Variants in IKBIP observed in about 807,000 individuals in gnomAD.
IKBIP encodes the protein IKBKB interacting protein.
Under a neutral mutation model 31.0 loss-of-function variants are expected in IKBIP, and 28 were observed. That is an observed-to-expected ratio of 0.90 (90% CI 0.67 to 1.24). The LOEUF is 1.24. IKBIP is among the 50% of genes most tolerant of loss of function. The pLI is 0.00. For synonymous variants in IKBIP, 164 were observed against 160.3 expected (o/e 1.02, Z -0.17); for missense variants, 453 against 441.9 (o/e 1.03, Z -0.23).
downstream of IKBIP, among the ~76,000 whole-genome samples, chr12:98,623,774 G>T (rs2097611901): frequency 6.6e-6 from 1 of 150,644 alleles, no homozygotes; most frequent in African/African-American, 2.5e-5. Context: ...TAGGATATTG[G>T]TAATTTTCCC....
chr12:98,627,022 G>T (rs572026563), intron 2 of IKBIP, among the ~76,000 whole-genome samples: 2 of 152,112 alleles, frequency 1.3e-5, no homozygotes, highest in East Asian at 3.8e-4. Context: ...AGGATGGAGT[G>T]CAGTGGAGCA....
intron 1 of IKBIP, among the ~76,000 whole-genome samples, chr12:98,641,953 C>T (rs1489379038): frequency 1.3e-5 from 2 of 152,134 alleles, no homozygotes; most frequent in Non-Finnish European, 2.9e-5. Context: ...CTGGGTCTGG[C>T]CCCCAAAATT....
intron 1 of IKBIP, among the ~76,000 whole-genome samples, chr12:98,642,916 T>C (rs2097631912): frequency 6.6e-6 from 1 of 151,868 alleles, no homozygotes; most frequent in South Asian, 2.1e-4. Flanking sequence ...TCTATTGTTT[T>C]TGAAGAGGGC....
rs1004542163 is a variant in IKBIP at position 98,640,772 on chromosome 12, C to CTT, written c.179+3749_179+3750dup. Among the ~76,000 whole-genome samples, 277 of 144,818 alleles carry CTT rather than the reference C, an allele frequency of 1.9e-3. 1 individual carries two copies. Among genetic ancestry groups the CTT allele is most frequent in the African/African-American group, 6.7e-3 (265 of 39,736 alleles). ...CAAGATGACATAGGATATATCAGGC[C>CTT]TTTTTTTTTTTGCAGGGTCTCACTT... On this transcript the variant is annotated intron_variant, in intron 1 of 2. Coordinates refer to ENST00000299157, the MANE Select transcript of IKBIP (RefSeq NM_153687.4).
At chr12:98,632,871 G>A (rs2097622295) in intron 2 of IKBIP, among the ~76,000 whole-genome samples, 2 of 151,858 alleles carry the variant, frequency 1.3e-5, no homozygotes, top group East Asian at 1.9e-4. Flanking sequence ...AAGGTGATCC[G>A]CCTGCCTTGG....
intron 1 of IKBIP, among the ~76,000 whole-genome samples, 174 bp downstream of exon 1, chr12:98,644,349 C>T (rs1279310979): frequency 3.3e-5 from 5 of 152,184 alleles, no homozygotes; most frequent in Admixed American, 6.5e-5. Context: ...ACAAGAAACG[C>T]CCGAAAGGGA....
In IKBIP at chr12:98,641,481, C is replaced by G. The variant is rs531776427; in HGVS notation, c.179+3042G>C. ...TTGCTTTTTATCTGGAAAATGTTTA[C>G]AAATGTCTTATGGGGATATATTTTT... On this transcript the variant is annotated intron_variant, in intron 1 of 2. Coordinates refer to ENST00000299157, the MANE Select transcript of IKBIP (RefSeq NM_153687.4). Among the ~76,000 whole-genome samples, 3 of 152,190 alleles carry G rather than the reference C, an allele frequency of 2.0e-5. No homozygotes were observed. The South Asian group carries it at 6.2e-4, about 32-fold the overall frequency.
rs201625604 is a variant in IKBIP at position 98,644,576 on chromosome 12, G to A, written c.126C>T (p.Asp42=). The change falls in exon 1 of 3, where the codon GAC becomes GAT. Residue 42 remains aspartate (D), a synonymous_variant. Transcript: ENST00000299157. The stretch of plus-strand genomic sequence containing the variant: ...ACAGCAGGCTCAGGCACGTTCGGGG[G>A]TCTGCCCAGCCCCCGCCTCCGCTGC... The part of the protein sequence containing the change: ...ARSSGGGGWA[D]PRTCLSLLSL... 59 of 1,609,284 alleles carry A rather than the reference G, an allele frequency of 3.7e-5. No individual in the cohort carries two copies. In the Admixed American group the frequency reaches 6.2e-4, roughly 17 times the overall value.
At chr12:98,642,457 G>GTT (rs1222812498) in intron 1 of IKBIP, among the ~76,000 whole-genome samples, 2 of 150,292 alleles carry the variant, frequency 1.3e-5, no homozygotes, top group Non-Finnish European at 3.0e-5. Context: ...GCCCAAAAAG[G>GTT]TTTTTTTTTC....
intron 2 of IKBIP, among the ~76,000 whole-genome samples, chr12:98,616,448 C>G (rs1478056306): frequency 6.6e-6 from 1 of 152,110 alleles, no homozygotes; most frequent in Admixed American, 6.6e-5. Flanking sequence ...TCTCTTCACT[C>G]TGTTGACTGT....
intron 1 of IKBIP, among the ~76,000 whole-genome samples, chr12:98,644,081 T>C (rs1217925774): frequency 6.6e-6 from 1 of 152,206 alleles, no homozygotes; most frequent in Non-Finnish European, 1.5e-5. Context: ...TCTCCAAACA[T>C]AATGATCTGT....
chr12:98,639,918 C>T (rs567015304), intron 1 of IKBIP, among the ~76,000 whole-genome samples: 1 of 152,230 alleles, frequency 6.6e-6, no homozygotes, highest in South Asian at 2.1e-4. Context: ...TGACCATATT[C>T]CATTTTTAAG....
At chr12:98,639,746 TTAATAATG>T (rs1482230316) in intron 1 of IKBIP, among the ~76,000 whole-genome samples, 1 of 152,194 alleles carries the variant, frequency 6.6e-6, no homozygotes, top group African/African-American at 2.4e-5. Context: ...CTATTTCAGC[TTAATAATG>T]AAAAAGAGGC....
intron 1 of IKBIP, among the ~76,000 whole-genome samples, chr12:98,637,692 C>CCACCG (rs1395094741): frequency 6.6e-6 from 1 of 151,900 alleles, no homozygotes; most frequent in Non-Finnish European, 1.5e-5. Flanking sequence ...CAGGCGTGAG[C>CCACCG]CACCGCGCCC....
chr12:98,614,457 T>C (rs1439218370), intron 2 of IKBIP: 3 of 574,488 alleles, frequency 5.2e-6, no homozygotes, highest in East Asian at 6.8e-5. Flanking sequence ...CAGAGGCTTG[T>C]TCTGTTACCC....
exon 3 of IKBIP, chr12:98,614,075 T>G: frequency 6.2e-7 from 1 of 1,612,796 alleles, no homozygotes; most frequent in South Asian, 1.1e-5. Flanking sequence ...TGATATTACA[T>G]CAGTTACTAA....
chr12:98,624,200 G>A (rs2097612246), downstream of IKBIP: 1 of 814,470 alleles, frequency 1.2e-6, no homozygotes, highest in African/African-American at 1.9e-5. Context: ...TAAGATAAGA[G>A]ATCACATTTG....
intron 2 of IKBIP, among the ~76,000 whole-genome samples, chr12:98,619,221 G>C (rs2097608207): frequency 6.6e-6 from 1 of 152,196 alleles, no homozygotes; most frequent in African/African-American, 2.4e-5. Flanking sequence ...TTGCAACATA[G>C]TGTATTTGAT....
Position 98,634,352 on chromosome 12 carries a change from G to A in IKBIP, c.241C>T (p.Leu81=). ...KVENQYQLLK[L]ETNEFQQLQS... ...AGTTGTTGGAATTCATTGGTTTCTA[G>A]TTTCAGTAACTGGTATTGGTTTTCC... is the stretch of plus-strand genomic sequence containing the variant. Residue 81 remains leucine, a synonymous_variant, in exon 2 of 3, where the codon CTA becomes TTA. Transcript: ENST00000299157. 6.2e-7 allele frequency: 1 copy of A among 1,607,134 alleles called. No individual in the cohort carries two copies.
Sources: gnomAD v4.1 joint callset for allele counts (sites outside exome capture counted in the v4.1 genomes callset) on GRCh38, gnomAD v4.1.1 for gene constraint, MANE v1.5 for transcripts, NCBI Gene and HGNC (gene_info 2026-07-23, HGNC 2026-07-21) for gene names.